NSMAF: variants seen among roughly 807,000 people sequenced by gnomAD.
The protein encoded by NSMAF is neutral sphingomyelinase activation associated factor, also known as protein FAN.
Under a neutral mutation model 134.9 loss-of-function variants are expected in NSMAF, and 90 were observed. The observed-to-expected ratio is 0.67, with a 90% CI of 0.56 to 0.79. NSMAF has a LOEUF of 0.79. Among genes scored for constraint, NSMAF ranks in the 30% least tolerant of loss-of-function variants. The pLI, the probability that NSMAF is intolerant of heterozygous loss-of-function variation, is 0.00. For missense variants in NSMAF, 1,010 were observed against 1,119.0 expected (o/e 0.90, Z 1.39); for synonymous variants, 358 against 389.6 (o/e 0.92, Z 0.96).
chr8:58,641,453 C>G (rs554837738), intron 2 of NSMAF, among the ~76,000 whole-genome samples: 1 of 151,808 alleles, frequency 6.6e-6, no homozygotes, highest in Non-Finnish European at 1.5e-5. Flanking sequence ...TTAGTTTATG[C>G]CTCCGATTTT....
chr8:58,619,443 C>T (rs1838640737), intron 9 of NSMAF, among the ~76,000 whole-genome samples: 1 of 152,096 alleles, frequency 6.6e-6, no homozygotes, highest in Admixed American at 6.6e-5. Context: ...ATACTTTCTG[C>T]TTTGTCCTAA....
At chr8:58,621,744 G>A (rs1806792059) in intron 9 of NSMAF, among the ~76,000 whole-genome samples, 1 of 152,154 alleles carries the variant, frequency 6.6e-6, no homozygotes, top group Non-Finnish European at 1.5e-5. Flanking sequence ...GTGGCATTGA[G>A]CATTTTTTCA....
intron 9 of NSMAF, among the ~76,000 whole-genome samples, chr8:58,614,709 C>T (rs1197698809): frequency 6.6e-6 from 1 of 152,178 alleles, no homozygotes; most frequent in African/African-American, 2.4e-5. Flanking sequence ...GACGCTGAGT[C>T]AGCTGGGCCT....
chr8:58,602,257 TGA>T (rs928584981), intron 13 of NSMAF, 120 bp from the exon 14 acceptor site: 38 of 659,000 alleles, frequency 5.8e-5, no homozygotes, highest in Middle Eastern at 4.2e-4. Context: ...GAGCAATCCA[TGA>T]GAGTTATTTT....
At chr8:58,623,114 T>C (rs926424034) in intron 9 of NSMAF, 106 bp downstream of exon 9, 1 of 848,488 alleles carries the variant, frequency 1.2e-6, no homozygotes, top group South Asian at 1.5e-5. Context: ...GACAAGCAGG[T>C]TTTGGGTGAG....
chr8:58,631,999 A>G (rs142092969), intron 5 of NSMAF, among the ~76,000 whole-genome samples: 1 of 152,274 alleles, frequency 6.6e-6, no homozygotes, highest in African/African-American at 2.4e-5. Flanking sequence ...CTTACATAGT[A>G]TATTAATAAC....
At chr8:58,624,035 A>ATT (rs11431046) in intron 6 of NSMAF, among the ~76,000 whole-genome samples, 2,443 of 99,042 alleles carry the variant, frequency 0.025, 106 homozygotes, top group African/African-American at 0.036. Flanking sequence ...TAGAGTTAGG[A>ATT]TTTTTTTTTT....
chr8:58,606,689 G>C (rs1388474828), intron 11 of NSMAF, among the ~76,000 whole-genome samples: 1 of 152,164 alleles, frequency 6.6e-6, no homozygotes, highest in Non-Finnish European at 1.5e-5. Context: ...GTGTTAGTAA[G>C]GCTGAGCTAG....
Position 58,656,788 on chromosome 8 carries a change from C to A in NSMAF, c.59+2785G>T, listed in dbSNP as rs189394692. 8.8e-3 allele frequency among the ~76,000 whole-genome samples: 1,342 copies of A among 152,034 alleles called. 22 individuals carry two copies. Among genetic ancestry groups the A allele is most frequent in the African/African-American group, 0.03 (1,261 of 41,474 alleles). ...GAGCTTGCAGTGAGCCAAGATCACG[C>A]CACTGCACTCCAGCCTGGGCAACAG... On this transcript the variant is annotated intron_variant, in intron 1 of 30. Coordinates refer to ENST00000038176, the MANE Select transcript of NSMAF (RefSeq NM_003580.4).
chr8:58,588,707 G>A (rs1047321940), intron 26 of NSMAF: 7 of 1,538,632 alleles, frequency 4.5e-6, no homozygotes, highest in South Asian at 1.1e-5. Context: ...CAGCGAATAG[G>A]CTGCACGTGG....
Position 58,602,020 on chromosome 8 carries a change from G to A in NSMAF, c.1125+38C>T, listed in dbSNP as rs755656256. On this transcript the variant is annotated intron_variant, in intron 14 of 30. Coordinates refer to ENST00000038176, the MANE Select transcript of NSMAF (RefSeq NM_003580.4). ...ATAAAAACACAGGCCATGGCTTCTC[G>A]TGTTGCTTAGAAACCAAGAATCTCT... is the stretch of plus-strand genomic sequence containing the variant. 19 of 1,504,200 alleles carry A rather than the reference G, an allele frequency of 1.3e-5. No homozygotes were observed. In the African/African-American group the frequency reaches 1.5e-4, roughly 12 times the overall value. The allele number at this position is 1,504,200 out of a possible 1,614,324, so 93.2% of individuals were successfully genotyped here. A position where few individuals can be genotyped will look rare whatever the true frequency, so the allele number is the denominator to read the frequency against.
intron 5 of NSMAF, among the ~76,000 whole-genome samples, chr8:58,634,909 G>A (rs1031909325): frequency 2.0e-5 from 3 of 152,260 alleles, no homozygotes; most frequent in Non-Finnish European, 4.4e-5. Context: ...AGGAAGCTAC[G>A]GGAAGAGCTG....
intron 14 of NSMAF, 99 bp downstream of exon 14, chr8:58,601,959 A>G (rs1047446810): frequency 1.1e-6 from 1 of 876,252 alleles, no homozygotes; most frequent in Non-Finnish European, 1.8e-6. Flanking sequence ...TCACTGGTAT[A>G]ATTCCCCTAA....
intron 5 of NSMAF, 83 bp downstream of exon 5, chr8:58,635,106 G>T: frequency 9.8e-7 from 1 of 1,018,344 alleles, no homozygotes. Flanking sequence ...GTCTTCATCT[G>T]ATATCTCTAC....
chr8:58,602,098 G>A lies in NSMAF; in HGVS notation c.1085C>T (p.Pro362Leu). 6.2e-7 allele frequency: 1 copy of A among 1,613,272 alleles called. No individual in the cohort carries two copies. The change falls in exon 14 of 31, where the codon CCA (proline) becomes CTA (leucine). Residue 362 changes from proline to leucine, a missense_variant. Coordinates refer to ENST00000038176, the MANE Select transcript of NSMAF (RefSeq NM_003580.4). The stretch of plus-strand genomic sequence containing the variant: ...CCGTTCCTTATTTAGGGCCCCTACT[G>A]GCTTACTGAGATCCCGGAAGGTTCC... Reference protein sequence around the residue: ...NPGTFRDLSKPVGALNKERLE... With the variant: ...NPGTFRDLSKLVGALNKERLE...
rs1313239740 is a variant in NSMAF, at chr8:58,639,745, T to C, written c.149+3239A>G. Among the ~76,000 whole-genome samples, 3 of 152,130 alleles carry C rather than the reference T, an allele frequency of 2.0e-5. No individual in the cohort carries two copies. In the East Asian group the frequency reaches 5.8e-4, roughly 29 times the overall value. On this transcript the variant is annotated intron_variant, in intron 2 of 30. Transcript: ENST00000038176. ...ATTAATGAATAAAGAAAATATGATA[T>C]ATATATGAATATAAAACATATAAAA...
intron 20 of NSMAF, 38 bp downstream of exon 20, chr8:58,597,822 A>G: frequency 2.2e-6 from 3 of 1,386,060 alleles, no homozygotes; most frequent in Middle Eastern, 1.8e-4. Context: ...GACATATCTT[A>G]TAACTCAAGT....
At chr8:58,591,481 CTTTTTTTTT>C (rs1018380152) in intron 23 of NSMAF, among the ~76,000 whole-genome samples, 5 of 94,486 alleles carry the variant, frequency 5.3e-5, no homozygotes, top group East Asian at 7.2e-4. Context: ...AGAAACCTTC[CTTTTTTTTT>C]TTTTTTTTTT....
chr8:58,598,876 A>G (rs545590877), intron 19 of NSMAF, among the ~76,000 whole-genome samples: 2 of 152,144 alleles, frequency 1.3e-5, no homozygotes, highest in South Asian at 4.1e-4. Context: ...ATACAAAAAA[A>G]TTAGCTGGGC....
Sources: allele counts gnomAD v4.1 joint callset (sites outside exome capture counted in the v4.1 genomes callset), GRCh38; gene constraint gnomAD v4.1.1; transcripts MANE v1.5; gene names NCBI Gene and HGNC (gene_info 2026-07-23, HGNC 2026-07-21).